GNA14: variants seen among roughly 807,000 people sequenced by gnomAD.
GNA14 encodes the protein guanine nucleotide-binding protein subunit alpha-14.
In GNA14, 50 loss-of-function variants were observed where a neutral mutation model predicts 42.0. That is an observed-to-expected ratio of 1.19 (90% CI 0.95 to 1.51). The LOEUF is 1.51. Among genes scored for constraint, GNA14 ranks in the 40% most tolerant of loss-of-function variants. The pLI is 0.00. For missense variants in GNA14, 473 were observed against 446.2 expected (o/e 1.06, Z -0.54); for synonymous variants, 173 against 163.1 (o/e 1.06, Z -0.46).
At chr9:77,575,677 A>G (rs1001784347) in intron 1 of GNA14, among the ~76,000 whole-genome samples, 6 of 152,200 alleles carry the variant, frequency 3.9e-5, no homozygotes, top group Admixed American at 1.3e-4. Context: ...GTTAAGGTTG[A>G]CAAGTTCTAT....
intron 1 of GNA14, among the ~76,000 whole-genome samples, chr9:77,554,321 G>C (rs1271096508): frequency 2.0e-5 from 3 of 152,220 alleles, no homozygotes; most frequent in Non-Finnish European, 4.4e-5. Flanking sequence ...TAATCACTGG[G>C]TGGTAGGCGA....
At chr9:77,442,844 G>A (rs1179552453) in intron 2 of GNA14, among the ~76,000 whole-genome samples, 4 of 152,218 alleles carry the variant, frequency 2.6e-5, no homozygotes, top group East Asian at 3.9e-4. Flanking sequence ...TGCAAAGACA[G>A]ATGACAAATA....
intron 1 of GNA14, among the ~76,000 whole-genome samples, chr9:77,627,004 GAA>G (rs1824022348): frequency 6.6e-6 from 1 of 151,996 alleles, no homozygotes; most frequent in African/African-American, 2.4e-5. Flanking sequence ...AAATAAAGAA[GAA>G]AAGAGAGAAG....
chr9:77,620,015 G>A (rs779184936), intron 1 of GNA14, among the ~76,000 whole-genome samples: 19 of 151,998 alleles, frequency 1.3e-4, no homozygotes, highest in African/African-American at 2.2e-4. Flanking sequence ...TATTTCTACC[G>A]TTTGTCACCA....
intron 1 of GNA14, among the ~76,000 whole-genome samples, chr9:77,592,909 C>CA (rs1425161747): frequency 6.6e-6 from 1 of 151,896 alleles, no homozygotes; most frequent in East Asian, 1.9e-4. Flanking sequence ...TTTAACTGAA[C>CA]AAAAAAACAG....
chr9:77,506,369 C>T (rs192899257), intron 2 of GNA14, among the ~76,000 whole-genome samples: 133 of 151,444 alleles, frequency 8.8e-4, no homozygotes, highest in African/African-American at 3.1e-3. Context: ...TTTCAACATG[C>T]AATCAATGTA....
chr9:77,514,958 G>A (rs569956987), intron 2 of GNA14, among the ~76,000 whole-genome samples: 11 of 152,212 alleles, frequency 7.2e-5, no homozygotes, highest in African/African-American at 2.6e-4. Context: ...CTATTTATGA[G>A]TACAAAGGAA....
At chr9:77,490,502 C>T (rs1007159836) in intron 2 of GNA14, among the ~76,000 whole-genome samples, 9 of 152,368 alleles carry the variant, frequency 5.9e-5, no homozygotes, top group South Asian at 2.1e-4. Flanking sequence ...TCAGGCATGG[C>T]GGGCTGCAGT....
At chr9:77,568,360 C>T (rs979177382) in intron 1 of GNA14, among the ~76,000 whole-genome samples, 1 of 151,752 alleles carries the variant, frequency 6.6e-6, no homozygotes, top group Admixed American at 6.6e-5. Flanking sequence ...GGGGTGGTGG[C>T]ACATGCCTGT....
chr9:77,506,283 T>TA (rs199978059), intron 2 of GNA14, among the ~76,000 whole-genome samples: 4,273 of 126,792 alleles, frequency 0.034, 75 homozygotes, highest in Non-Finnish European at 0.044. Flanking sequence ...CCCTGTCTCT[T>TA]AAAAAAAAAA....
intron 1 of GNA14, among the ~76,000 whole-genome samples, chr9:77,570,309 A>G (rs889128357): frequency 9.2e-5 from 14 of 152,314 alleles, no homozygotes; most frequent in Admixed American, 8.5e-4. Flanking sequence ...TTGTGCAAGC[A>G]TCACCACAAT....
intron 1 of GNA14, among the ~76,000 whole-genome samples, chr9:77,592,799 C>T (rs1056935060): frequency 6.6e-6 from 1 of 152,184 alleles, no homozygotes; most frequent in Non-Finnish European, 1.5e-5. Flanking sequence ...TATCTTCTTG[C>T]TTTATTGCCC....
In GNA14 at chr9:77,500,133, G is replaced by A. The variant is rs943460218; in HGVS notation, c.309+28936C>T. ...CACCTCCTGGGTTCAAGCAATTCTC[G>A]TGCCTCAGCCTCCCAAGTAGCTGGG... On this transcript the variant is annotated intron_variant, in intron 2 of 6. Coordinates refer to ENST00000341700, the MANE Select transcript of GNA14 (RefSeq NM_004297.4). Among the ~76,000 whole-genome samples the A allele has an allele frequency of 9.3e-5, 14 of 150,916 alleles. No homozygotes were observed. In the South Asian group the frequency reaches 1.9e-3, roughly 20 times the overall value.
At chr9:77,619,993 T>A (rs1254140046) in intron 1 of GNA14, among the ~76,000 whole-genome samples, 1 of 152,006 alleles carries the variant, frequency 6.6e-6, no homozygotes, top group Non-Finnish European at 1.5e-5. Context: ...AACAAAGAAA[T>A]ATAAAGAAAT....
intron 2 of GNA14, among the ~76,000 whole-genome samples, chr9:77,470,430 T>C (rs1049259519): frequency 6.6e-6 from 1 of 152,216 alleles, no homozygotes; most frequent in African/African-American, 2.4e-5. Context: ...CCAGTAGCAA[T>C]GTGAACCATG....
At chr9:77,531,842 G>C (rs1004522549) in intron 1 of GNA14, among the ~76,000 whole-genome samples, 1 of 152,096 alleles carries the variant, frequency 6.6e-6, no homozygotes, top group Non-Finnish European at 1.5e-5. Flanking sequence ...TTCAGACATG[G>C]AGTATTTCAA....
chr9:77,511,227 T>C (rs1837162794), intron 2 of GNA14, among the ~76,000 whole-genome samples: 1 of 152,158 alleles, frequency 6.6e-6, no homozygotes. Context: ...AAAGATCATC[T>C]GGTCAAGTTC....
At chr9:77,449,214 A>G (rs557715255) in intron 2 of GNA14, among the ~76,000 whole-genome samples, 5 of 152,370 alleles carry the variant, frequency 3.3e-5, no homozygotes, top group East Asian at 1.9e-4. Flanking sequence ...CTGGTAGCCC[A>G]GGTGTGTAGT....
intron 2 of GNA14, among the ~76,000 whole-genome samples, chr9:77,514,236 C>G (rs560381872): frequency 1.3e-5 from 2 of 152,016 alleles, no homozygotes; most frequent in Admixed American, 6.6e-5. Context: ...GCTTTTTGCC[C>G]GATATCACAG....
Sources: allele counts gnomAD v4.1 joint callset (sites outside exome capture counted in the v4.1 genomes callset), GRCh38; gene constraint gnomAD v4.1.1; transcripts MANE v1.5; gene names NCBI Gene and HGNC (gene_info 2026-07-23, HGNC 2026-07-21).